DOCK8: variants seen among roughly 807,000 people sequenced by gnomAD.
DOCK8 encodes the protein dedicator of cytokinesis 8.
DOCK8 carries 141 observed loss-of-function variants against 245.6 expected under a neutral mutation model. The ratio of observed to expected loss-of-function variants is 0.57; its 90% CI spans 0.50 to 0.66. DOCK8 has a LOEUF of 0.66. Among genes scored for constraint, DOCK8 ranks in the 30% least tolerant of loss-of-function variants. DOCK8 has a pLI of 0.00. For missense variants in DOCK8, 2,965 were observed against 2,603.4 expected (o/e 1.14, Z -3.02); for synonymous variants, 1,168 against 970.2 (o/e 1.20, Z -3.79).
chr9:215,346 G>C (rs760650842), intron 1 of DOCK8: 2 of 1,602,238 alleles, frequency 1.2e-6, no homozygotes, highest in Non-Finnish European at 1.7e-6. Context: ...GGTCCCAGAA[G>C]GGTGATAGGC....
chr9:411,993 G>A (rs763509016), intron 28 of DOCK8, among the ~76,000 whole-genome samples: 1 of 152,134 alleles, frequency 6.6e-6, no homozygotes. Context: ...ACACTTATTA[G>A]TGAAAAACAG....
chr9:359,466 A>AT, intron 14 of DOCK8, among the ~76,000 whole-genome samples: 1 of 152,310 alleles, frequency 6.6e-6, no homozygotes. Flanking sequence ...AATGTTAGCT[A>AT]TTTTTTATTG....
chr9:377,224 AG>A lies in DOCK8; in HGVS notation c.2440+16del. 1 of 1,566,240 alleles carries A rather than the reference AG, an allele frequency of 6.4e-7. No individual in the cohort carries two copies. The highest frequency in any genetic ancestry group is 8.6e-7 in the Non-Finnish European group (1 of 1,160,280). On this transcript the variant is annotated intron_variant, in intron 20 of 47. Coordinates refer to ENST00000432829, the MANE Select transcript of DOCK8 (RefSeq NM_203447.4). ...GCTGGCCAGACAGGTATGAACCTGC[AG>A]GGCTGGGCTGGGAGGAGGCAGGAGC... is the stretch of plus-strand genomic sequence containing the variant.
Position 399,267 on chromosome 9 carries a change from T to TCC in DOCK8, c.3234+14_3234+15dup, listed in dbSNP as rs375864618. 29 of 1,534,948 alleles carry TCC rather than the reference T, an allele frequency of 1.9e-5. No individual in the cohort carries two copies. Among genetic ancestry groups the TCC allele is most frequent in the South Asian group, 6.8e-5 (6 of 87,646 alleles). On this transcript the variant is annotated intron_variant, in intron 26 of 47. Coordinates refer to ENST00000432829, the MANE Select transcript of DOCK8 (RefSeq NM_203447.4). Reference sequence around the variant, plus strand: ...AGACATTATTGCAGCCAGGTGAGTGTCCCCCCCACCCCCACCCCCGAGCGA... The same window carrying TCC: ...AGACATTATTGCAGCCAGGTGAGTGTCCCCCCCCCACCCCCACCCCCGAGCGA...
chr9:411,797 A>G (rs557202068), intron 28 of DOCK8, among the ~76,000 whole-genome samples: 35 of 152,354 alleles, frequency 2.3e-4, no homozygotes, highest in African/African-American at 7.7e-4. Context: ...CTGAAAATCA[A>G]TTGTTGTACC....
At chr9:251,771 G>A (rs1237714919) in intron 1 of DOCK8, among the ~76,000 whole-genome samples, 1 of 152,148 alleles carries the variant, frequency 6.6e-6, no homozygotes, top group East Asian at 1.9e-4. Context: ...CAGACAGAAA[G>A]CACTCATTAA....
At chr9:324,711 C>G (rs911416142) in intron 7 of DOCK8, among the ~76,000 whole-genome samples, 1 of 152,158 alleles carries the variant, frequency 6.6e-6, no homozygotes, top group South Asian at 2.1e-4. Flanking sequence ...CATCAAAACC[C>G]AGCCTTCTTC....
chr9:252,518 G>A (rs969563084), intron 1 of DOCK8, among the ~76,000 whole-genome samples: 1 of 151,884 alleles, frequency 6.6e-6, no homozygotes, highest in African/African-American at 2.4e-5. Context: ...AAATTCCTAT[G>A]TAGGTCGGGC....
At chr9:388,148 T>TG (rs1189663785) in intron 23 of DOCK8, among the ~76,000 whole-genome samples, 5 of 152,126 alleles carry the variant, frequency 3.3e-5, no homozygotes, top group African/African-American at 1.2e-4. Flanking sequence ...CCTTTGAAGC[T>TG]GGGGGAGCAT....
intron 5 of DOCK8, among the ~76,000 whole-genome samples, chr9:307,827 G>A (rs988434254): frequency 9.9e-5 from 15 of 152,128 alleles, no homozygotes; most frequent in African/African-American, 3.6e-4. Context: ...GTATCCATCA[G>A]CAGAAGAATG....
chr9:245,799 A>T (rs183848305), intron 1 of DOCK8, among the ~76,000 whole-genome samples: 95 of 152,340 alleles, frequency 6.2e-4, no homozygotes, highest in Admixed American at 2.9e-3. Context: ...CAGAATAGAG[A>T]TGCAAACCAA....
At chr9:214,438 C>T (rs1587590373), upstream of DOCK8, 1 of 1,500,506 alleles carries the variant, frequency 6.7e-7, no homozygotes. Flanking sequence ...TGATAGATTC[C>T]ACTAACTTTT....
chr9:405,783 A>AG (rs2055387574), intron 27 of DOCK8, among the ~76,000 whole-genome samples: 5 of 152,340 alleles, frequency 3.3e-5, no homozygotes, highest in African/African-American at 9.6e-5. Flanking sequence ...TGAAAAAAAA[A>AG]TCTTAGCCAT....
intron 46 of DOCK8, chr9:454,355 C>T (rs984800274): frequency 6.6e-6 from 1 of 152,168 alleles, no homozygotes; most frequent in Non-Finnish European, 1.5e-5. Flanking sequence ...TTGTTAATCT[C>T]TTACTCTATC....
At chr9:438,633 T>G (rs1248820633) in intron 39 of DOCK8, among the ~76,000 whole-genome samples, 2 of 152,162 alleles carry the variant, frequency 1.3e-5, no homozygotes, top group Non-Finnish European at 2.9e-5. Context: ...CCAACCATGG[T>G]CTCTGCATGC....
At chr9:385,103 A>G (rs1016175952) in intron 22 of DOCK8, among the ~76,000 whole-genome samples, 28 of 152,174 alleles carry the variant, frequency 1.8e-4, no homozygotes, top group Non-Finnish European at 3.8e-4. Flanking sequence ...TTAGTTTTCC[A>G]GAATTTTTTG....
At chr9:341,218 G>T (rs189338429) in intron 14 of DOCK8, among the ~76,000 whole-genome samples, 70 of 152,258 alleles carry the variant, frequency 4.6e-4, no homozygotes, top group Non-Finnish European at 7.9e-4. Flanking sequence ...GTAACTGTAT[G>T]TGTCTACTAT....
In DOCK8 at chr9:452,005, C is replaced by G; in HGVS notation, c.5962-6C>G. 7.7e-7 allele frequency: 1 copy of G among 1,306,792 alleles called. No individual in the cohort carries two copies. Among genetic ancestry groups the G allele is most frequent in the Non-Finnish European group, 1.1e-6 (1 of 951,402 alleles). 80.9% of individuals were successfully genotyped at this position (1,306,792 alleles called of 1,614,324 possible). ...TTTTTTTTTTTTTTTTTTTTTTTCC[C>G]ACCAGGGACCACTGGAAGTAGCCCA... On this transcript the variant is annotated splice_region_variant and splice_polypyrimidine_tract_variant and intron_variant, in intron 45 of 47. Coordinates refer to ENST00000432829, the MANE Select transcript of DOCK8 (RefSeq NM_203447.4).
intron 14 of DOCK8, among the ~76,000 whole-genome samples, chr9:347,983 T>C (rs182305703): frequency 1.3e-5 from 2 of 152,338 alleles, no homozygotes; most frequent in East Asian, 3.9e-4. Context: ...AGGACACATA[T>C]TGTATTTTTT....
Sources: gnomAD v4.1 joint callset for allele counts (sites outside exome capture counted in the v4.1 genomes callset) on GRCh38, gnomAD v4.1.1 for gene constraint, MANE v1.5 for transcripts, NCBI Gene and HGNC (gene_info 2026-07-23, HGNC 2026-07-21) for gene names.